The following CNTN1 variants were observed in gnomAD, a reference collection of about 807,000 sequenced individuals.
CNTN1 encodes contactin-1.
A neutral mutation model predicts 126.4 loss-of-function variants in CNTN1; 38 were observed. The ratio of observed to expected loss-of-function variants is 0.30; its 90% CI spans 0.23 to 0.39. The LOEUF (loss-of-function observed/expected upper bound fraction) is 0.39, where lower values mean the gene tolerates loss of function less well. Ranked by LOEUF, CNTN1 falls within the 10% of genes least tolerant of loss-of-function variation. CNTN1 has a pLI of 1.00. For synonymous variants in CNTN1, 413 were observed against 422.6 expected (o/e 0.98, Z 0.28); for missense variants, 1,009 against 1,248.4 (o/e 0.81, Z 2.89).
intron 14 of CNTN1, among the ~76,000 whole-genome samples, chr12:40,945,877 C>T (rs190367365): frequency 6.6e-6 from 1 of 152,216 alleles, no homozygotes; most frequent in East Asian, 1.9e-4. Context: ...GTTACCCCTC[C>T]AGCTAATCCA....
intron 1 of CNTN1, among the ~76,000 whole-genome samples, chr12:40,776,689 A>G (rs1048573226): frequency 2.6e-5 from 4 of 151,732 alleles, no homozygotes; most frequent in African/African-American, 9.7e-5. Context: ...GTATTATTTC[A>G]ACATCTTTAA....
intron 1 of CNTN1, among the ~76,000 whole-genome samples, chr12:40,708,374 C>T (rs938543515): frequency 1.3e-5 from 2 of 152,152 alleles, no homozygotes; most frequent in Non-Finnish European, 2.9e-5. Flanking sequence ...AGCATTATGT[C>T]TAAGAAAATG....
chr12:40,694,457 C>T (rs1282040709), intron 1 of CNTN1, among the ~76,000 whole-genome samples: 1 of 152,178 alleles, frequency 6.6e-6, no homozygotes, highest in Non-Finnish European at 1.5e-5. Context: ...TGAAAGTCTT[C>T]TGAAAACTTT....
At chr12:41,046,848 T>C in intron 23 of CNTN1, among the ~76,000 whole-genome samples, 1 of 92,648 alleles carries the variant, frequency 1.1e-5, no homozygotes, top group African/African-American at 6.9e-5. Flanking sequence ...TGCTTATTTC[T>C]TTTTTTTTTT....
chr12:40,966,662 A>G (rs1947319153), intron 15 of CNTN1, among the ~76,000 whole-genome samples: 1 of 152,166 alleles, frequency 6.6e-6, no homozygotes, highest in South Asian at 2.1e-4. Flanking sequence ...TTGAAATTGT[A>G]TTTTTCAATG....
intron 7 of CNTN1, among the ~76,000 whole-genome samples, chr12:40,932,739 C>T (rs1050182722): frequency 3.9e-5 from 6 of 151,948 alleles, no homozygotes; most frequent in Non-Finnish European, 1.5e-5. Context: ...CCTCATCAGT[C>T]ACTCTTTCAA....
intron 1 of CNTN1, among the ~76,000 whole-genome samples, chr12:40,839,431 C>A (rs1035733808): frequency 6.6e-6 from 1 of 152,152 alleles, no homozygotes; most frequent in Non-Finnish European, 1.5e-5. Flanking sequence ...AGAGGCTTAG[C>A]AATCCCCAGG....
chr12:40,943,989 A>G lies in CNTN1; in HGVS notation c.1508-6A>G, dbSNP rs543629148. ...TGAATTGTGCTTTACATTTAAAAAT[A>G]TATAGATCCTACGCGAATTATATTG... On this transcript the variant is annotated splice_region_variant and splice_polypyrimidine_tract_variant and intron_variant, in intron 13 of 23. Transcript: ENST00000551295. 15 of 1,612,688 alleles carry G rather than the reference A, an allele frequency of 9.3e-6. No homozygotes were observed. The African/African-American group carries it at 1.3e-4, about 14-fold the overall frequency.
At chr12:40,930,238 A>G (rs753853358) in intron 7 of CNTN1, among the ~76,000 whole-genome samples, 1 of 151,994 alleles carries the variant, frequency 6.6e-6, no homozygotes, top group Non-Finnish European at 1.5e-5. Context: ...TCTAGCTCGG[A>G]AAATACACAG....
At chr12:40,951,758 G>A (rs73111395) in intron 14 of CNTN1, among the ~76,000 whole-genome samples, 9,922 of 145,174 alleles carry the variant, frequency 0.068, 589 homozygotes, top group Admixed American at 0.17. Context: ...AAAGGAAAAT[G>A]GTTTTGTGAT....
chr12:40,830,948 T>C lies in CNTN1; in HGVS notation c.-76-77409T>C, dbSNP rs866217275. On this transcript the variant is annotated intron_variant, in intron 1 of 23. Transcript: ENST00000551295. Reference sequence around the variant, plus strand: ...ACATATACATATACATATATATATATATATATATATATATACACACACACA... The same window carrying C: ...ACATATACATATACATATATATATACATATATATATATATACACACACACA... Among the ~76,000 whole-genome samples, 148 of 107,426 alleles carry C rather than the reference T, an allele frequency of 1.4e-3. 2 individuals are homozygous for C. Among genetic ancestry groups the C allele is most frequent in the South Asian group, 6.5e-3 (19 of 2,944 alleles). 70.5% of individuals were successfully genotyped at this position (107,426 alleles called of 152,430 possible).
chr12:40,891,295 G>T (rs181102647), intron 1 of CNTN1, among the ~76,000 whole-genome samples: 29 of 152,066 alleles, frequency 1.9e-4, no homozygotes, highest in Admixed American at 1.8e-3. Context: ...ACAAATATTT[G>T]TCCCTGCCTA....
intron 15 of CNTN1, chr12:40,972,200 A>G (rs1947536528): frequency 1.0e-6 from 1 of 985,360 alleles, no homozygotes; most frequent in Non-Finnish European, 1.2e-6. Context: ...ATGCATTCAT[A>G]TTTAATTTTA....
intron 1 of CNTN1, among the ~76,000 whole-genome samples, chr12:40,819,818 C>T (rs1286400675): frequency 6.6e-6 from 1 of 152,168 alleles, no homozygotes; most frequent in Non-Finnish European, 1.5e-5. Context: ...GTAGGATCTT[C>T]CGATCCGTGG....
intron 1 of CNTN1, among the ~76,000 whole-genome samples, chr12:40,790,206 T>C (rs1940167217): frequency 1.3e-5 from 2 of 152,126 alleles, no homozygotes; most frequent in South Asian, 2.1e-4. Context: ...CCAGACCCAA[T>C]TGGCCTTTGA....
intron 19 of CNTN1, among the ~76,000 whole-genome samples, chr12:41,018,156 T>C (rs1435009570): frequency 6.6e-6 from 1 of 152,122 alleles, no homozygotes; most frequent in African/African-American, 2.4e-5. Flanking sequence ...AAATAATTAA[T>C]GACTAGAAAA....
At chr12:40,773,696 C>T (rs866739017) in intron 1 of CNTN1, among the ~76,000 whole-genome samples, 13 of 19,914 alleles carry the variant, frequency 6.5e-4, no homozygotes, top group African/African-American at 1.0e-3. Flanking sequence ...TATATATACA[C>T]ATATATATAT....
intron 1 of CNTN1, among the ~76,000 whole-genome samples, chr12:40,766,422 C>T (rs1218892843): frequency 6.6e-6 from 1 of 151,252 alleles, no homozygotes; most frequent in Non-Finnish European, 1.5e-5. Flanking sequence ...GAAGAATGTG[C>T]TCTAAAGGCT....
chr12:40,958,697 T>C (rs1427649164), intron 14 of CNTN1, among the ~76,000 whole-genome samples: 3 of 152,032 alleles, frequency 2.0e-5, no homozygotes, highest in East Asian at 3.9e-4. Context: ...TTAAAACTAG[T>C]CAATTAGATC....
Sources: allele counts gnomAD v4.1 joint callset (sites outside exome capture counted in the v4.1 genomes callset), GRCh38; gene constraint gnomAD v4.1.1; transcripts MANE v1.5; gene names NCBI Gene and HGNC (gene_info 2026-07-23, HGNC 2026-07-21).